Variants in CREB5 observed in about 807,000 individuals in gnomAD.
The protein encoded by CREB5 is cyclic AMP-responsive element-binding protein 5.
Under a neutral mutation model 57.1 loss-of-function variants are expected in CREB5, and 19 were observed. The observed-to-expected ratio is 0.33, with a 90% CI of 0.23 to 0.49. CREB5 has a LOEUF of 0.49. CREB5 is among the 20% of genes least tolerant of loss of function. CREB5 has a pLI of 0.99. For missense variants in CREB5, 579 were observed against 671.6 expected, an observed-to-expected ratio of 0.86 and a Z score of 1.52; for synonymous variants, 238 against 238.3, an observed-to-expected ratio of 1.00 and a Z score of 0.01.
chr7:28,369,398 C>T (rs889218105), intron 1 of CREB5, among the ~76,000 whole-genome samples: 6 of 152,172 alleles, frequency 3.9e-5, no homozygotes, highest in Non-Finnish European at 7.3e-5. Flanking sequence ...ATCATGGGTT[C>T]TGGAGTCAAA....
At chr7:28,515,337 C>G (rs1562768337) in intron 4 of CREB5, among the ~76,000 whole-genome samples, 1 of 152,198 alleles carries the variant, frequency 6.6e-6, no homozygotes, top group Non-Finnish European at 1.5e-5. Flanking sequence ...TTGGATGTAT[C>G]CACTCTTAGG....
intron 1 of CREB5, among the ~76,000 whole-genome samples, chr7:28,348,956 A>G (rs1786131517): frequency 6.6e-6 from 1 of 152,204 alleles, no homozygotes. Context: ...CTTATTTCTT[A>G]AATGATAGTA....
At chr7:28,304,941 T>A (rs1400418903) in intron 1 of CREB5, among the ~76,000 whole-genome samples, 3 of 152,222 alleles carry the variant, frequency 2.0e-5, no homozygotes, top group African/African-American at 7.2e-5. Context: ...GGATATGTAC[T>A]CTGGGAAGTA....
intron 4 of CREB5, among the ~76,000 whole-genome samples, chr7:28,569,274 C>T (rs1400959774): frequency 1.3e-5 from 2 of 151,984 alleles, no homozygotes; most frequent in Non-Finnish European, 2.9e-5. Flanking sequence ...AAGTGATCCT[C>T]CTGCCTCAGC....
At chr7:28,812,484 G>T (rs979924964) in intron 9 of CREB5, among the ~76,000 whole-genome samples, 11 of 151,740 alleles carry the variant, frequency 7.2e-5, no homozygotes, top group African/African-American at 2.7e-4. Flanking sequence ...AAATGGCTAA[G>T]GAAAAAAAGA....
intron 5 of CREB5, among the ~76,000 whole-genome samples, chr7:28,634,522 T>A (rs1367972280): frequency 6.6e-6 from 1 of 152,184 alleles, no homozygotes; most frequent in Non-Finnish European, 1.5e-5. Context: ...CTCAAAAACC[T>A]TAGATGGCCA....
chr7:28,389,084 G>C (rs566707039), intron 1 of CREB5, among the ~76,000 whole-genome samples: 1 of 152,234 alleles, frequency 6.6e-6, no homozygotes, highest in South Asian at 2.1e-4. Context: ...ATTCATACAG[G>C]CATAGTTTAT....
rs139982760 is a variant in CREB5, at chr7:28,784,255, C to T, written c.703-19944C>T. Among the ~76,000 whole-genome samples, 649 of 152,352 alleles carry T rather than the reference C, an allele frequency of 4.3e-3. 5 individuals carry two copies. The highest frequency in any genetic ancestry group is 0.014 in the African/African-American group (568 of 41,586). On this transcript the variant is annotated intron_variant, in intron 7 of 10. Coordinates refer to ENST00000357727, the MANE Select transcript of CREB5 (RefSeq NM_182898.4). ...CCTGCAGGGCCTGCGAGAGAGACAG[C>T]TTGACACAGGAATCCTTTGGCTTCT...
At chr7:28,413,206 A>G (rs1787877173) in intron 1 of CREB5, among the ~76,000 whole-genome samples, 1 of 151,928 alleles carries the variant, frequency 6.6e-6, no homozygotes. Flanking sequence ...CATGTTAAGT[A>G]ATGTGTCAAG....
At chr7:28,740,777 T>G (rs1804283340) in intron 7 of CREB5, among the ~76,000 whole-genome samples, 1 of 152,036 alleles carries the variant, frequency 6.6e-6, no homozygotes, top group African/African-American at 2.4e-5. Context: ...CTTTGAAAAA[T>G]AAAAAGGTGA....
intron 7 of CREB5, among the ~76,000 whole-genome samples, chr7:28,753,608 T>C (rs1033160161): frequency 2.0e-5 from 3 of 152,212 alleles, no homozygotes; most frequent in African/African-American, 7.2e-5. Context: ...ACCTTTACAT[T>C]TCCTCTTTTT....
intron 1 of CREB5, among the ~76,000 whole-genome samples, chr7:28,384,534 C>G (rs939699238): frequency 6.6e-6 from 1 of 151,774 alleles, no homozygotes; most frequent in Non-Finnish European, 1.5e-5. Flanking sequence ...TATATGAAAA[C>G]AAATCATTTC....
At position 28,821,605 on chromosome 7, in the gene CREB5, A is replaced by G. The variant is rs1809775903; in HGVS notation, c.*2326A>G. On this transcript the variant is annotated 3_prime_UTR_variant, in exon 11 of 11. Transcript: ENST00000357727. ...TGTTGTTTTTTAAATTCCAACAGTA[A>G]CAGCTGAATGGTTTAATCTGACTGG... 1 of 152,156 alleles carries G rather than the reference A, an allele frequency of 6.6e-6. No homozygotes were observed. Among genetic ancestry groups the G allele is most frequent in the African/African-American group, 2.4e-5 (1 of 41,456 alleles). 9.4% of individuals were successfully genotyped at this position (152,156 alleles called of 1,614,324 possible). A position where few individuals can be genotyped will look rare whatever the true frequency, so the allele number is the denominator to read the frequency against.
rs73684305 is a variant in CREB5, at chr7:28,362,142, C to A, written c.-25+62701C>A. ...TTGTAAAATATACATTTGAAGCTATCTTTTTTCATCCCATTTTACCTTTAG... is the reference window on the plus strand; with the variant it reads ...TTGTAAAATATACATTTGAAGCTATATTTTTTCATCCCATTTTACCTTTAG... On this transcript the variant is annotated intron_variant, in intron 1 of 9. Coordinates refer to the CREB5 transcript ENST00000396299. Among the ~76,000 whole-genome samples the A allele has an allele frequency of 8.9e-3, 1,357 of 152,176 alleles. 16 individuals are homozygous for A. The highest frequency in any genetic ancestry group is 0.031 in the African/African-American group (1,286 of 41,526).
intron 1 of CREB5, among the ~76,000 whole-genome samples, chr7:28,335,402 A>C (rs916437563): frequency 1.3e-5 from 2 of 151,640 alleles, no homozygotes; most frequent in African/African-American, 2.4e-5. Context: ...CATTGTAGAG[A>C]TATTTCACTT....
chr7:28,453,274 C>G (rs566275575), intron 1 of CREB5, among the ~76,000 whole-genome samples: 1 of 151,986 alleles, frequency 6.6e-6, no homozygotes, highest in Non-Finnish European at 1.5e-5. Context: ...CCCATCTCTA[C>G]AAAAAATCAA....
Position 28,666,023 on chromosome 7 carries a change from G to C in CREB5, c.465-52730G>C, listed in dbSNP as rs6462097. 3.9e-3 allele frequency among the ~76,000 whole-genome samples: 596 copies of C among 152,070 alleles called. 5 individuals carry two copies. The highest frequency in any genetic ancestry group is 0.014 in the African/African-American group (564 of 41,480). ...AAACAGTAAGAAAAATCTATTTTTT[G>C]CTGTCTTTTTTCATTTCATCTCTCA... On this transcript the variant is annotated intron_variant, in intron 5 of 10. Transcript: ENST00000357727.
chr7:28,819,138 T>C lies in CREB5; in HGVS notation c.1386T>C (p.Ala462=). 6.2e-7 allele frequency: 1 copy of C among 1,613,688 alleles called. No individual in the cohort carries two copies. Among genetic ancestry groups the C allele is most frequent in the Non-Finnish European group, 8.5e-7 (1 of 1,179,772 alleles). ...TAGGTCCAGAGAGTAGCCCTCCTGC[T>C]AGTCCTGTCCCAGCTTGCTCCCAGC... ...GYLSPESSPP[A]SPVPACSQQQ... Residue 462 remains alanine (A), a synonymous_variant, in exon 11 of 11, where the codon GCT becomes GCC. Transcript: ENST00000357727.
At chr7:28,401,859 C>T (rs969111464) in intron 1 of CREB5, among the ~76,000 whole-genome samples, 1 of 152,164 alleles carries the variant, frequency 6.6e-6, no homozygotes, top group African/African-American at 2.4e-5. Flanking sequence ...GTGAATAGTG[C>T]CACAATAAAC....
Sources: gnomAD v4.1 joint callset for allele counts (sites outside exome capture counted in the v4.1 genomes callset) on GRCh38, gnomAD v4.1.1 for gene constraint, MANE v1.5 for transcripts, NCBI Gene and HGNC (gene_info 2026-07-23, HGNC 2026-07-21) for gene names.